Variants in GLG1 observed in about 807,000 individuals in gnomAD.
GLG1 encodes the protein golgi glycoprotein 1.
Under a neutral mutation model 160.5 loss-of-function variants are expected in GLG1, and 38 were observed. The observed-to-expected ratio is 0.24, with a 90% confidence interval of 0.18 to 0.31. GLG1 has a LOEUF of 0.31. Among genes scored for constraint, GLG1 ranks in the 10% least tolerant of loss-of-function variants. The probability of loss-of-function intolerance (pLI) is 1.00; values close to 1 mark genes in which losing one functional copy is unlikely to be tolerated. For missense variants in GLG1, 1,373 were observed against 1,505.2 expected (o/e 0.91, Z 1.45); for synonymous variants, 644 against 543.4 (o/e 1.19, Z -2.57).
chr16:74,606,673 A>G lies in GLG1; in HGVS notation c.422T>C (p.Leu141Pro). ...WSNNLAVLEC[L>P]QDVREPENEI... ...CCTCCTCACCTCCCTCACATCCTGC[A>G]GGCACTCGAGCACCGCCAGGTTGTT... is the stretch of plus-strand genomic sequence containing the variant. The change falls in exon 1 of 26, where the codon CTG (leucine) becomes CCG (proline). Residue 141 changes from leucine (L) to proline (P), a missense_variant. By Grantham distance (98) the Leu-to-Pro change is moderately conservative. Around this residue, in one of 4 missense-constraint regions of GLG1, gnomAD observed 322 missense variants for 254.6 expected, o/e 1.26. Transcript: ENST00000422840. 1 of 1,582,956 alleles carries G rather than the reference A, an allele frequency of 6.3e-7. No homozygotes were observed. The highest frequency in any genetic ancestry group is 8.6e-7 in the Non-Finnish European group (1 of 1,160,760).
At chr16:74,457,772 C>A in intron 24 of GLG1, 102 bp downstream of exon 24, 1 of 1,073,642 alleles carries the variant, frequency 9.3e-7, no homozygotes, top group Non-Finnish European at 1.4e-6. Context: ...GCTACAACTA[C>A]AGACCATACA....
At position 74,451,458 on chromosome 16, in the gene GLG1, G is replaced by C. The variant is rs1311270312; in HGVS notation, c.*1709C>G. On this transcript the variant is annotated 3_prime_UTR_variant, in exon 26 of 26. Transcript: ENST00000422840. ...AGTCAGGTTAGACAAGGAGTAACTT[G>C]GATCAACTGATCCACAAACTGACAC... 6.6e-6 allele frequency: 1 copy of C among 152,196 alleles called. No individual in the cohort carries two copies. The allele number at this position is 152,196 out of a possible 1,614,324, so 9.4% of individuals were successfully genotyped here.
intron 1 of GLG1, among the ~76,000 whole-genome samples, chr16:74,596,980 C>T (rs1471323945): frequency 6.6e-6 from 1 of 151,844 alleles, no homozygotes; most frequent in African/African-American, 2.4e-5. Context: ...TAAAATTAAC[C>T]GAGTATGGTT....
At position 74,470,042 on chromosome 16, in the gene GLG1, T is replaced by A; in HGVS notation, c.2261A>T (p.Lys754Met). The A allele has an allele frequency of 6.2e-7, 1 of 1,610,716 alleles. No homozygotes were observed. The change falls in exon 16 of 26, where the codon AAG (lysine) becomes ATG (methionine). Residue 754 changes from lysine to methionine, a missense_variant. Lys to Met is a moderately conservative substitution (Grantham distance 95). Around this residue, in one of 4 missense-constraint regions of GLG1, gnomAD observed 491 missense variants for 632.1 expected, o/e 0.78. Transcript: ENST00000422840. Reference protein sequence around the residue: ...VQMKDFRFSYKFKMACKEDVL... With the variant: ...VQMKDFRFSYMFKMACKEDVL... The stretch of plus-strand genomic sequence containing the variant: ...GTCCTCCTTGCAGGCCATTTTAAAC[T>A]TGTAAGAAAACCGAAAATCCTTCAT...
rs2016190451 is a variant in GLG1 at position 74,496,426 on chromosome 16, T to A, written c.978+15A>T. On this transcript the variant is annotated intron_variant, in intron 5 of 25. Coordinates refer to ENST00000422840, the MANE Select transcript of GLG1 (RefSeq NM_001145667.2). Reference sequence around the variant, plus strand: ...AAATAAAAGGAAGAAAAGAACAGTTTCTGAGCTGACTCACATTTTCACAAA... The same window carrying A: ...AAATAAAAGGAAGAAAAGAACAGTTACTGAGCTGACTCACATTTTCACAAA... 1 of 1,553,868 alleles carries A rather than the reference T, an allele frequency of 6.4e-7. No individual in the cohort carries two copies. Among genetic ancestry groups the A allele is most frequent in the East Asian group, 2.2e-5 (1 of 44,532 alleles).
Position 74,541,510 on chromosome 16 carries a change from A to G in GLG1, c.439-9357T>C, listed in dbSNP as rs1257147842. Among the ~76,000 whole-genome samples, 3 of 152,198 alleles carry G rather than the reference A, an allele frequency of 2.0e-5. No individual in the cohort carries two copies. The South Asian group carries it at 6.2e-4, about 32-fold the overall frequency. On this transcript the variant is annotated intron_variant, in intron 1 of 25. Coordinates refer to ENST00000422840, the MANE Select transcript of GLG1 (RefSeq NM_001145667.2). ...TCCAGTTCCACTGCACATTTATCACATAACATTCTTTAAGCTTCAAATTTT... is the reference window on the plus strand; with the variant it reads ...TCCAGTTCCACTGCACATTTATCACGTAACATTCTTTAAGCTTCAAATTTT...
Position 74,447,570 on chromosome 16 carries a change from G to T in GLG1, c.*5597C>A, listed in dbSNP as rs542576795. 10 of 152,192 alleles carry T rather than the reference G, an allele frequency of 6.6e-5. No homozygotes were observed. The highest frequency in any genetic ancestry group is 2.4e-4 in the African/African-American group (10 of 41,448). The allele number at this position is 152,192 out of a possible 1,614,324, so 9.4% of individuals were successfully genotyped here. A position where few individuals can be genotyped will look rare whatever the true frequency, so the allele number is the denominator to read the frequency against. On this transcript the variant is annotated 3_prime_UTR_variant, in exon 26 of 26. Coordinates refer to ENST00000422840, the MANE Select transcript of GLG1 (RefSeq NM_001145667.2). The stretch of plus-strand genomic sequence containing the variant: ...ACATGTAAAAACAAGGGACCACCAC[G>T]ATTTTATACATAGAAAGGAAACCCA...
chr16:74,515,306 T>C (rs1193020554), intron 2 of GLG1, among the ~76,000 whole-genome samples: 1 of 152,166 alleles, frequency 6.6e-6, no homozygotes, highest in Non-Finnish European at 1.5e-5. Flanking sequence ...CTAATAGACA[T>C]CTACAGAACT....
intron 20 of GLG1, 102 bp from the exon 21 acceptor site, chr16:74,462,732 GACT>G (rs778070758): frequency 1.1e-4 from 109 of 1,024,520 alleles, no homozygotes; most frequent in Admixed American, 3.1e-4. Flanking sequence ...CAATGATCAT[GACT>G]ACAACCATGG....
chr16:74,579,891 C>T (rs573284294), intron 1 of GLG1, among the ~76,000 whole-genome samples: 48 of 151,752 alleles, frequency 3.2e-4, no homozygotes, highest in Admixed American at 3.0e-3. Flanking sequence ...GGTGAAACCC[C>T]GTCTCTACTA....
At chr16:74,463,038 G>C (rs2014863140) in intron 20 of GLG1, 1 of 435,600 alleles carries the variant, frequency 2.3e-6, no homozygotes. Context: ...TTCCGAATCA[G>C]ATTACCCGTA....
chr16:74,603,843 T>G (rs1177525588), intron 1 of GLG1, among the ~76,000 whole-genome samples: 1 of 152,154 alleles, frequency 6.6e-6, no homozygotes. Flanking sequence ...TTTGTTTTTA[T>G]TTAAATAACT....
chr16:74,580,631 C>T (rs1381810809), intron 1 of GLG1, among the ~76,000 whole-genome samples: 5 of 152,032 alleles, frequency 3.3e-5, no homozygotes. Flanking sequence ...AATTTATTGG[C>T]TATGACACTA....
At chr16:74,574,443 T>C (rs941500154) in intron 1 of GLG1, among the ~76,000 whole-genome samples, 4 of 152,220 alleles carry the variant, frequency 2.6e-5, no homozygotes, top group Non-Finnish European at 5.9e-5. Flanking sequence ...TTCATTTTCC[T>C]AAACTGCTCT....
intron 1 of GLG1, among the ~76,000 whole-genome samples, chr16:74,546,267 T>C (rs2143677078): frequency 6.6e-6 from 1 of 152,188 alleles, no homozygotes; most frequent in South Asian, 2.1e-4. Flanking sequence ...GGCGAAACCC[T>C]GTCTCTACAA....
chr16:74,521,632 G>A (rs1028418083), intron 2 of GLG1, among the ~76,000 whole-genome samples: 2 of 152,080 alleles, frequency 1.3e-5, no homozygotes, highest in Admixed American at 6.6e-5. Context: ...CAAGAGTTTC[G>A]TTCTGGAAAT....
chr16:74,488,392 C>A (rs2015867315), intron 8 of GLG1, among the ~76,000 whole-genome samples: 1 of 151,828 alleles, frequency 6.6e-6, no homozygotes, highest in Admixed American at 6.6e-5. Context: ...AACAAAACAA[C>A]AAAAAAGAAA....
intron 9 of GLG1, 71 bp from the exon 10 acceptor site, chr16:74,483,195 C>A: frequency 1.1e-6 from 1 of 898,892 alleles, no homozygotes; most frequent in South Asian, 1.4e-5. Flanking sequence ...TAGTATTTCC[C>A]TGGTCTGTAG....
chr16:74,480,881 A>G (rs1338415739), intron 10 of GLG1, among the ~76,000 whole-genome samples: 1 of 152,172 alleles, frequency 6.6e-6, no homozygotes. Context: ...AACACACAGT[A>G]GTCAGCACTG....
Sources: allele counts gnomAD v4.1 joint callset (sites outside exome capture counted in the v4.1 genomes callset), GRCh38; gene constraint gnomAD v4.1.1; regional missense constraint gnomAD v4.1.1; transcripts MANE v1.5; gene names NCBI Gene and HGNC (gene_info 2026-07-23, HGNC 2026-07-21).